Variants in RBM27 observed in about 807,000 individuals in gnomAD.
The protein encoded by RBM27 is RNA-binding protein 27.
Under a neutral mutation model 135.3 loss-of-function variants are expected in RBM27, and 22 were observed. The observed-to-expected ratio is 0.16, with a 90% CI of 0.12 to 0.23. RBM27 has a LOEUF of 0.23. Ranked by LOEUF, RBM27 falls within the 10% of genes least tolerant of loss-of-function variation. The pLI is 1.00. For synonymous variants in RBM27, 481 were observed against 442.4 expected (o/e 1.09, Z -1.10); for missense variants, 1,009 against 1,281.0 (o/e 0.79, Z 3.24).
At chr5:146,244,550 A>C (rs1757541640) in intron 8 of RBM27, among the ~76,000 whole-genome samples, 1 of 139,116 alleles carries the variant, frequency 7.2e-6, no homozygotes, top group African/African-American at 2.6e-5. Flanking sequence ...CACCCCCTTT[A>C]TTTCTTTTTG....
At chr5:146,275,262 A>AT (rs922922861) in intron 19 of RBM27, among the ~76,000 whole-genome samples, 3 of 151,234 alleles carry the variant, frequency 2.0e-5, no homozygotes, top group Middle Eastern at 3.4e-3. Flanking sequence ...TTTAATTTTA[A>AT]TTTTTTTTTA....
intron 8 of RBM27, among the ~76,000 whole-genome samples, chr5:146,238,948 C>T (rs945100683): frequency 6.6e-6 from 1 of 152,130 alleles, no homozygotes; most frequent in Non-Finnish European, 1.5e-5. Flanking sequence ...TAAATTAATA[C>T]ATCTAAAGCA....
At chr5:146,220,397 C>T (rs112847448) in intron 2 of RBM27, among the ~76,000 whole-genome samples, 4,304 of 150,712 alleles carry the variant, frequency 0.029, 206 homozygotes, top group African/African-American at 0.099. Flanking sequence ...ATTTCTTGAA[C>T]CCAGGAGGCA....
intron 9 of RBM27, among the ~76,000 whole-genome samples, chr5:146,254,039 A>C (rs557442040): frequency 6.6e-6 from 1 of 152,226 alleles, no homozygotes; most frequent in Admixed American, 6.5e-5. Flanking sequence ...TACATAACCA[A>C]ATGAATACAT....
intron 1 of RBM27, among the ~76,000 whole-genome samples, chr5:146,208,017 C>T (rs36019024): frequency 0.22 from 29,917 of 134,874 alleles, 3,972 homozygotes; most frequent in Admixed American, 0.36. Context: ...AGTGCAGTGG[C>T]GTGATCTTGG....
intron 15 of RBM27, among the ~76,000 whole-genome samples, chr5:146,268,583 C>G (rs1426212724): frequency 6.6e-6 from 1 of 151,464 alleles, no homozygotes; most frequent in Non-Finnish European, 1.5e-5. Context: ...TCACTTTTTT[C>G]TTTTCTTTTC....
intron 14 of RBM27, among the ~76,000 whole-genome samples, chr5:146,266,287 G>A (rs927825875): frequency 6.6e-6 from 1 of 152,228 alleles, no homozygotes; most frequent in Non-Finnish European, 1.5e-5. Flanking sequence ...TACTGGATGA[G>A]TGACCTGGTT....
intron 10 of RBM27, among the ~76,000 whole-genome samples, chr5:146,256,472 C>A (rs1758109142): frequency 6.6e-6 from 1 of 151,518 alleles, no homozygotes. Context: ...ACCTCAGCCT[C>A]CTGAGTAGCT....
intron 1 of RBM27, among the ~76,000 whole-genome samples, chr5:146,216,689 A>G (rs927852049): frequency 6.6e-6 from 1 of 152,092 alleles, no homozygotes; most frequent in Non-Finnish European, 1.5e-5. Context: ...ACAGGGTCTC[A>G]CTGTGTATCC....
intron 14 of RBM27, 25 bp from the exon 15 acceptor site, chr5:146,267,624 C>CTTT: frequency 1.8e-6 from 2 of 1,098,694 alleles, no homozygotes; most frequent in Admixed American, 2.6e-5. Flanking sequence ...TTTGTGTGTG[C>CTTT]TTTTTTTTTT....
chr5:146,278,726 A>AT lies in RBM27; in HGVS notation c.2989-5881dup, dbSNP rs576045126. On this transcript the variant is annotated intron_variant, in intron 19 of 20. Coordinates refer to ENST00000265271, the MANE Select transcript of RBM27 (RefSeq NM_018989.2). ...TTGATGGACATCCAATTTTTTCCCAATTTTTTTTTTTTTTTGAGACGGAGT... is the reference window on the plus strand; with the variant it reads ...TTGATGGACATCCAATTTTTTCCCAATTTTTTTTTTTTTTTTGAGACGGAGT... 4.2e-3 allele frequency among the ~76,000 whole-genome samples: 597 copies of AT among 142,408 alleles called. 1 individual carries two copies. Among genetic ancestry groups the AT allele is most frequent in the East Asian group, 0.02 (100 of 4,936 alleles). 93.4% of individuals were successfully genotyped at this position (142,408 alleles called of 152,430 possible).
chr5:146,237,626 A>C (rs1757226946), intron 8 of RBM27, among the ~76,000 whole-genome samples, 194 bp downstream of exon 8: 2 of 152,118 alleles, frequency 1.3e-5, no homozygotes, highest in Non-Finnish European at 2.9e-5. Context: ...GATATGGGAG[A>C]GAAAGGCAAG....
chr5:146,262,992 A>G (rs934475353), intron 13 of RBM27, among the ~76,000 whole-genome samples: 30 of 149,496 alleles, frequency 2.0e-4, no homozygotes, highest in African/African-American at 7.2e-4. Flanking sequence ...GGTTCAGGCT[A>G]CCTGCCTCAG....
At chr5:146,206,448 T>C (rs1215556459) in intron 1 of RBM27, among the ~76,000 whole-genome samples, 1 of 151,502 alleles carries the variant, frequency 6.6e-6, no homozygotes, top group Non-Finnish European at 1.5e-5. Context: ...GTAAAAATTA[T>C]CTTTCAAAAT....
chr5:146,285,381 A>G lies in RBM27; in HGVS notation c.3100-566A>G, dbSNP rs148028085. 2.5e-3 allele frequency among the ~76,000 whole-genome samples: 382 copies of G among 152,280 alleles called. 3 individuals are homozygous for G. Among genetic ancestry groups the G allele is most frequent in the African/African-American group, 8.7e-3 (360 of 41,590 alleles). On this transcript the variant is annotated intron_variant, in intron 20 of 20. Coordinates refer to ENST00000265271, the MANE Select transcript of RBM27 (RefSeq NM_018989.2). Reference sequence around the variant, plus strand: ...GTTTGATCAAGTGTCTTCTCACTATATAGGTAATTTTACACAGCAAAAGCA... The same window carrying G: ...GTTTGATCAAGTGTCTTCTCACTATGTAGGTAATTTTACACAGCAAAAGCA...
Position 146,253,585 on chromosome 5 carries a change from G to A in RBM27, c.1445-1358G>A, listed in dbSNP as rs143927239. Among the ~76,000 whole-genome samples the A allele has an allele frequency of 1.6e-3, 247 of 152,020 alleles. 1 individual carries two copies. In the Middle Eastern group the frequency reaches 0.017, roughly 10 times the overall value. On this transcript the variant is annotated intron_variant, in intron 9 of 20. Transcript: ENST00000265271. ...AAAAAGGGGAAAAATGGGGGTGGGA[G>A]GAAGAGAAGGAATGCCAACCAGCAG... is the stretch of plus-strand genomic sequence containing the variant.
At chr5:146,249,122 C>T (rs909795303) in intron 8 of RBM27, among the ~76,000 whole-genome samples, 2 of 152,012 alleles carry the variant, frequency 1.3e-5, no homozygotes, top group African/African-American at 4.8e-5. Flanking sequence ...GCTAGGACTA[C>T]AGCTGTGCGC....
chr5:146,251,912 T>G (rs1019823456), intron 9 of RBM27, 37 bp downstream of exon 9: 1 of 1,600,006 alleles, frequency 6.2e-7, no homozygotes, highest in Non-Finnish European at 8.6e-7. Flanking sequence ...ACCTCACTGA[T>G]CTTTTTTACC....
chr5:146,256,361 A>T (rs997106606), intron 10 of RBM27, among the ~76,000 whole-genome samples: 6 of 146,106 alleles, frequency 4.1e-5, no homozygotes, highest in African/African-American at 1.5e-4. Context: ...ATATATATAT[A>T]TTTTTTGAGA....
Sources: gnomAD v4.1 joint callset for allele counts (sites outside exome capture counted in the v4.1 genomes callset) on GRCh38, gnomAD v4.1.1 for gene constraint, MANE v1.5 for transcripts, NCBI Gene and HGNC (gene_info 2026-07-23, HGNC 2026-07-21) for gene names.